Variants in OR9Q1 observed in about 807,000 individuals in gnomAD.
OR9Q1 encodes olfactory receptor family 9 subfamily Q member 1, also known as olfactory receptor 9Q1.
For missense variants in OR9Q1, 374 were observed against 378.8 expected (o/e 0.99, Z 0.11); for synonymous variants, 153 against 148.6 (o/e 1.03, Z -0.22).
intron 2 of OR9Q1, among the ~76,000 whole-genome samples, chr11:58,115,676 C>T (rs2514207): frequency 0.13 from 19,494 of 152,124 alleles, 1,996 homozygotes; most frequent in African/African-American, 0.24. Flanking sequence ...ACATGGGCGT[C>T]GAACCCATGA....
At chr11:58,143,280 C>T (rs1383663644) in intron 2 of OR9Q1, among the ~76,000 whole-genome samples, 1 of 152,164 alleles carries the variant, frequency 6.6e-6, no homozygotes, top group Non-Finnish European at 1.5e-5. Flanking sequence ...CCTCATTTAA[C>T]CAAGAAGGAG....
chr11:58,043,848 G>C (rs944905501), intron 1 of OR9Q1, among the ~76,000 whole-genome samples: 2 of 152,150 alleles, frequency 1.3e-5, no homozygotes, highest in African/African-American at 4.8e-5. Flanking sequence ...GAGATGAGCT[G>C]TGCTAGGTGT....
chr11:58,132,417 G>A (rs1372462548), intron 2 of OR9Q1, among the ~76,000 whole-genome samples: 3 of 152,030 alleles, frequency 2.0e-5, no homozygotes, highest in Admixed American at 6.6e-5. Flanking sequence ...TCTGAGCCTC[G>A]GTTTCCTCAG....
chr11:58,099,130 G>A (rs986570425), intron 2 of OR9Q1, among the ~76,000 whole-genome samples: 1 of 151,688 alleles, frequency 6.6e-6, no homozygotes, highest in African/African-American at 2.4e-5. Flanking sequence ...ACACTTGAAT[G>A]GAATTTGAAG....
intron 2 of OR9Q1, among the ~76,000 whole-genome samples, chr11:58,105,075 G>A (rs1853827084): frequency 7.5e-6 from 1 of 134,220 alleles, no homozygotes; most frequent in African/African-American, 2.6e-5. Context: ...GTTCTGAGAA[G>A]GTAGATTTTT....
At chr11:58,053,609 A>AAAAAAAATATATAT (rs1554965484) in intron 1 of OR9Q1, among the ~76,000 whole-genome samples, 1 of 68,750 alleles carries the variant, frequency 1.5e-5, no homozygotes, top group African/African-American at 4.9e-5. Flanking sequence ...AATAAAATTA[A>AAAAAAAATATATAT]AAAATATATA....
intron 2 of OR9Q1, among the ~76,000 whole-genome samples, chr11:58,147,467 A>G (rs1854309539): frequency 6.6e-6 from 1 of 152,202 alleles, no homozygotes; most frequent in South Asian, 2.1e-4. Context: ...AAGTCTTCAA[A>G]TGTAAAAACA....
chr11:58,147,388 T>A (rs146125004), intron 2 of OR9Q1, among the ~76,000 whole-genome samples: 2 of 152,256 alleles, frequency 1.3e-5, no homozygotes, highest in East Asian at 3.9e-4. Context: ...TCCTACCCTG[T>A]GCCAGACTGT....
At chr11:58,125,703 G>T (rs959527952) in intron 2 of OR9Q1, among the ~76,000 whole-genome samples, 2 of 152,126 alleles carry the variant, frequency 1.3e-5, no homozygotes, top group Non-Finnish European at 2.9e-5. Context: ...TAGCCGGCCC[G>T]GTCAGGGAGA....
intron 2 of OR9Q1, among the ~76,000 whole-genome samples, chr11:58,172,636 AG>A (rs1722007949): frequency 6.6e-6 from 1 of 152,170 alleles, no homozygotes; most frequent in Admixed American, 6.5e-5. Context: ...ACTCAAACGC[AG>A]GCAATCTGAC....
intron 2 of OR9Q1, among the ~76,000 whole-genome samples, chr11:58,085,085 C>T (rs373568989): frequency 4.0e-5 from 6 of 151,824 alleles, no homozygotes; most frequent in Non-Finnish European, 5.9e-5. Context: ...AGTCCATGTA[C>T]GTTAAAGCAA....
chr11:58,092,842 G>T (rs1853697009), intron 2 of OR9Q1, among the ~76,000 whole-genome samples: 1 of 152,148 alleles, frequency 6.6e-6, no homozygotes, highest in Admixed American at 6.6e-5. Flanking sequence ...TTGAGAAAAT[G>T]TTCACGAGTG....
At chr11:58,082,624 T>A (rs1453803033) in intron 2 of OR9Q1, among the ~76,000 whole-genome samples, 3 of 134,522 alleles carry the variant, frequency 2.2e-5, no homozygotes, top group Admixed American at 7.5e-5. Context: ...GAGGGATAGC[T>A]TTAGGAGATA....
intron 2 of OR9Q1, among the ~76,000 whole-genome samples, chr11:58,079,483 G>T (rs1459914350): frequency 6.6e-6 from 1 of 152,074 alleles, no homozygotes; most frequent in Admixed American, 6.6e-5. Flanking sequence ...GTAGGAGATT[G>T]CAAAAGTGGC....
At position 58,074,210 on chromosome 11, in the gene OR9Q1, G is replaced by A. The variant is rs552000384; in HGVS notation, c.-15+18263G>A. On this transcript the variant is annotated intron_variant, in intron 2 of 2. Transcript: ENST00000335397. ...AGTAATGGGATTGTTGAGTCAAATGGTATTTCTAGTTCTAGATCCTTGAGG... is the reference window on the plus strand; with the variant it reads ...AGTAATGGGATTGTTGAGTCAAATGATATTTCTAGTTCTAGATCCTTGAGG... Among the ~76,000 whole-genome samples, 6 of 152,192 alleles carry A rather than the reference G, an allele frequency of 3.9e-5. 1 individual carries two copies. The South Asian group carries it at 1.2e-3, about 32-fold the overall frequency.
intron 1 of OR9Q1, among the ~76,000 whole-genome samples, chr11:58,028,191 G>GGGGGT (rs1002292844): frequency 6.6e-6 from 1 of 152,090 alleles, no homozygotes; most frequent in African/African-American, 2.4e-5. Flanking sequence ...GATGGATGTT[G>GGGGGT]GGGGTACCTG....
chr11:58,143,595 C>A (rs183465703), intron 2 of OR9Q1, among the ~76,000 whole-genome samples: 260 of 152,162 alleles, frequency 1.7e-3, no homozygotes, highest in African/African-American at 5.6e-3. Context: ...GTGTTTCATG[C>A]AGGAACAGAA....
intron 2 of OR9Q1, among the ~76,000 whole-genome samples, chr11:58,129,362 C>A (rs1590606588): frequency 6.6e-6 from 1 of 152,078 alleles, no homozygotes; most frequent in East Asian, 1.9e-4. Context: ...TGCTTTTACT[C>A]TTGCCTCTCT....
At chr11:58,053,038 T>A (rs1853282192) in intron 1 of OR9Q1, among the ~76,000 whole-genome samples, 1 of 151,644 alleles carries the variant, frequency 6.6e-6, no homozygotes, top group African/African-American at 2.4e-5. Flanking sequence ...GAAGTCAGTG[T>A]GGCGATTCCT....
Sources: gnomAD v4.1 joint callset for allele counts (sites outside exome capture counted in the v4.1 genomes callset) on GRCh38, gnomAD v4.1.1 for gene constraint, MANE v1.5 for transcripts, NCBI Gene and HGNC (gene_info 2026-07-23, HGNC 2026-07-21) for gene names.